Variants in EP400 observed in about 807,000 individuals in gnomAD.
EP400 encodes E1A-binding protein p400.
In EP400, 105 loss-of-function variants were observed where a neutral mutation model predicts 354.1. That is an observed-to-expected ratio of 0.30 (90% CI 0.25 to 0.35). EP400 has a LOEUF of 0.35. Ranked by LOEUF, EP400 falls within the 10% of genes least tolerant of loss-of-function variation. The pLI is 1.00. For missense variants in EP400, 3,280 were observed against 4,121.0 expected (o/e 0.80, Z 5.59); for synonymous variants, 1,646 against 1,716.9 (o/e 0.96, Z 1.02).
At chr12:131,953,068 T>C (rs966932968) in intron 1 of EP400, among the ~76,000 whole-genome samples, 13 of 151,584 alleles carry the variant, frequency 8.6e-5, no homozygotes, top group Admixed American at 7.9e-4. Context: ...AACAAGGGAG[T>C]GAAAATTAGT....
At chr12:132,060,160 A>G (rs1360878326) in intron 45 of EP400, among the ~76,000 whole-genome samples, 1 of 152,204 alleles carries the variant, frequency 6.6e-6, no homozygotes, top group Non-Finnish European at 1.5e-5. Flanking sequence ...TGGGGGAAAC[A>G]ACCCAAACTT....
At chr12:132,059,833 G>A (rs964714816) in intron 45 of EP400, among the ~76,000 whole-genome samples, 33 of 152,028 alleles carry the variant, frequency 2.2e-4, no homozygotes, top group Middle Eastern at 3.4e-3. Context: ...TGGCTAACAC[G>A]GTGAAACCCC....
chr12:131,983,497 A>G (rs1397025089), intron 5 of EP400, among the ~76,000 whole-genome samples: 1 of 152,196 alleles, frequency 6.6e-6, no homozygotes, highest in Non-Finnish European at 1.5e-5. Context: ...GAAATGCCAC[A>G]GCCTCGGTGC....
intron 45 of EP400, among the ~76,000 whole-genome samples, chr12:132,060,762 AAAT>A (rs200689944): frequency 0.015 from 2,250 of 152,168 alleles, 15 homozygotes; most frequent in Non-Finnish European, 0.02. Flanking sequence ...CAAAATTACA[AAAT>A]TAGCTGGGCG....
intron 2 of EP400, among the ~76,000 whole-genome samples, chr12:131,962,198 C>T (rs532681472): frequency 6.6e-6 from 1 of 152,278 alleles, no homozygotes; most frequent in Non-Finnish European, 1.5e-5. Flanking sequence ...ATGATGAGTG[C>T]GTCTTCAACA....
intron 2 of EP400, among the ~76,000 whole-genome samples, chr12:131,972,952 G>A (rs1039415920): frequency 6.6e-6 from 1 of 151,806 alleles, no homozygotes; most frequent in Non-Finnish European, 1.5e-5. Flanking sequence ...GGCTGGTCTC[G>A]AACTCCTGAC....
chr12:132,001,976 C>T (rs925884699), intron 12 of EP400, among the ~76,000 whole-genome samples: 1 of 152,172 alleles, frequency 6.6e-6, no homozygotes, highest in Non-Finnish European at 1.5e-5. Context: ...TGGAACAGCT[C>T]GTGCCCTCGG....
intron 37 of EP400, 95 bp downstream of exon 37, chr12:132,045,048 C>T (rs1277514886): frequency 2.2e-6 from 3 of 1,381,964 alleles, no homozygotes; most frequent in Non-Finnish European, 2.9e-6. Context: ...TGTCTGCTGT[C>T]TGCCTGTCTG....
intron 5 of EP400, among the ~76,000 whole-genome samples, chr12:131,985,332 G>A (rs918726620): frequency 6.6e-6 from 1 of 152,278 alleles, no homozygotes; most frequent in African/African-American, 2.4e-5. Context: ...CAGCACGTAA[G>A]TGGATGTGGC....
At chr12:131,967,526 TA>T (rs948291181) in intron 2 of EP400, among the ~76,000 whole-genome samples, 526 of 142,336 alleles carry the variant, frequency 3.7e-3, no homozygotes, top group African/African-American at 6.1e-3. Context: ...CATCTCTACT[TA>T]AAAAAAAAAA....
In EP400 at chr12:131,960,993, C is replaced by A; in HGVS notation, c.374C>A (p.Ser125Tyr). Residue 125 changes from serine to tyrosine, a missense_variant, in exon 2 of 53, where the codon TCC becomes TAC. Ser to Tyr is a moderately radical substitution (Grantham distance 144). This residue lies in a region of EP400 where 172 missense variants were observed against 242.9 expected (regional missense o/e 0.71). Coordinates refer to ENST00000389561, the MANE Select transcript of EP400 (RefSeq NM_015409.5). ...HGSPSYIQVTSPLSQQVQTQS... is the reference protein window; with the variant it reads ...HGSPSYIQVTYPLSQQVQTQS... Reference sequence around the variant, plus strand: ...TCTCCATCATACATTCAGGTCACGTCCCCCTTGTCCCAGCAGGTCCAGACC... The same window carrying A: ...TCTCCATCATACATTCAGGTCACGTACCCCTTGTCCCAGCAGGTCCAGACC... 6.2e-7 allele frequency: 1 copy of A among 1,605,582 alleles called. No homozygotes were observed. The highest frequency in any genetic ancestry group is 8.5e-7 in the Non-Finnish European group (1 of 1,176,558).
At chr12:131,979,671 C>T (rs1225864588) in intron 2 of EP400, 23 bp from the exon 3 acceptor site, 2 of 1,596,910 alleles carry the variant, frequency 1.3e-6, no homozygotes, top group Non-Finnish European at 1.7e-6. Context: ...ATCAAAATCT[C>T]ATTTTTTCAT....
chr12:131,965,479 C>T (rs1053537715), intron 2 of EP400, among the ~76,000 whole-genome samples: 17 of 152,248 alleles, frequency 1.1e-4, no homozygotes, highest in Admixed American at 9.8e-4. Context: ...TATTTATTTG[C>T]TTATGTTTGT....
At chr12:132,032,251 C>T in intron 30 of EP400, 102 bp downstream of exon 30, 1 of 1,340,040 alleles carries the variant, frequency 7.5e-7, no homozygotes, top group Non-Finnish European at 1.0e-6. Context: ...CAATGAGAAG[C>T]TTTGCAGGAG....
Position 132,050,917 on chromosome 12 carries a change from T to C in EP400, c.7394+262T>C. 1.8e-6 allele frequency: 1 copy of C among 563,654 alleles called. No homozygotes were observed. The highest frequency in any genetic ancestry group is 3.2e-6 in the Non-Finnish European group (1 of 314,766). 34.9% of individuals were successfully genotyped at this position (563,654 alleles called of 1,614,324 possible). A position where few individuals can be genotyped will look rare whatever the true frequency, so the allele number is the denominator to read the frequency against. ...TGGGGAAAGACGCTGACAGATGTGA[T>C]GAGTGTGCCAGGGCCATGTGGCCAA... On this transcript the variant is annotated intron_variant, in intron 41 of 52. Coordinates refer to ENST00000389561, the MANE Select transcript of EP400 (RefSeq NM_015409.5). This position sits in a 1 kb window ranked among gnomAD's most constrained non-coding sequence, Gnocchi z 4.8.
chr12:131,954,069 C>T (rs770709505), intron 1 of EP400, among the ~76,000 whole-genome samples: 3 of 151,962 alleles, frequency 2.0e-5, no homozygotes, highest in Non-Finnish European at 4.4e-5. Context: ...GCTGAGATTG[C>T]GCCGCAGCAC....
At chr12:131,979,109 C>T (rs544694697) in intron 2 of EP400, among the ~76,000 whole-genome samples, 66 of 150,672 alleles carry the variant, frequency 4.4e-4, no homozygotes, top group Non-Finnish European at 8.4e-4. Context: ...CCCAGCTACT[C>T]GGGAGGCTGA....
At position 132,050,261 on chromosome 12, in the gene EP400, T is replaced by C; in HGVS notation, c.7201-62T>C. The stretch of plus-strand genomic sequence containing the variant: ...AGATTCCCACCCAGTGAGCCCTGTG[T>C]CCCACGCAGCCGTCTGTCCATGCTG... On this transcript the variant is annotated intron_variant, in intron 39 of 52. Coordinates refer to ENST00000389561, the MANE Select transcript of EP400 (RefSeq NM_015409.5). The surrounding 1 kb of genome is among the most constrained non-coding windows in gnomAD (Gnocchi z 4.8). 6.3e-7 allele frequency: 1 copy of C among 1,591,812 alleles called. No individual in the cohort carries two copies.
Position 132,006,861 on chromosome 12 carries a change from C to T in EP400, c.3288C>T (p.His1096=). The T allele has an allele frequency of 1.9e-6, 3 of 1,613,724 alleles. No homozygotes were observed. Among genetic ancestry groups the T allele is most frequent in the Middle Eastern group, 1.6e-4 (1 of 6,062 alleles). Reference sequence around the variant, plus strand: ...TGCAGATCATTGCTTTTTTTGCCCACCTAGCTTGTAACGAAGGTAAGAGTT... The same window carrying T: ...TGCAGATCATTGCTTTTTTTGCCCATCTAGCTTGTAACGAAGGTAAGAGTT... ...KTVQIIAFFA[H]LACNEGNWGP... is the part of the protein sequence containing the mutation. Residue 1096 remains histidine (H), a synonymous_variant, in exon 15 of 53, where the codon CAC becomes CAT. Transcript: ENST00000389561.
Sources: allele counts gnomAD v4.1 joint callset (sites outside exome capture counted in the v4.1 genomes callset), GRCh38; gene constraint gnomAD v4.1.1; regional missense constraint gnomAD v4.1.1; non-coding constraint Gnocchi (gnomAD v3.1); transcripts MANE v1.5; gene names NCBI Gene and HGNC (gene_info 2026-07-23, HGNC 2026-07-21).